STARD9: variants seen among roughly 807,000 people sequenced by gnomAD.
STARD9 encodes StAR related lipid transfer domain containing 9.
In STARD9, 346 loss-of-function variants were observed where a neutral mutation model predicts 399.8. That is an observed-to-expected ratio of 0.87 (90% CI 0.79 to 0.95). The LOEUF (loss-of-function observed/expected upper bound fraction) is 0.95, where lower values mean the gene tolerates loss of function less well. Ranked by LOEUF, STARD9 falls within the 40% of genes least tolerant of loss-of-function variation. STARD9 has a pLI of 0.00. For missense variants in STARD9, 5,832 were observed against 5,667.5 expected, an observed-to-expected ratio of 1.03 and a Z score of -0.93; for synonymous variants, 2,203 against 2,143.5, an observed-to-expected ratio of 1.03 and a Z score of -0.77.
At chr15:42,683,288 GA>G (rs2060474934) in intron 22 of STARD9, among the ~76,000 whole-genome samples, 1 of 152,110 alleles carries the variant, frequency 6.6e-6, no homozygotes, top group South Asian at 2.1e-4. Flanking sequence ...ACTTTATTAT[GA>G]AAAAATTTTA....
At chr15:42,581,653 GCCTCGCCAGCAGC>G (rs951520826) in intron 1 of STARD9, among the ~76,000 whole-genome samples, 25 of 143,766 alleles carry the variant, frequency 1.7e-4, no homozygotes, top group African/African-American at 5.6e-4. Context: ...CGATCCTCGG[GCCTCGCCAGCAGC>G]CTCAGCAGCA....
chr15:42,617,751 ATTTTG>A (rs2058999332), intron 3 of STARD9, among the ~76,000 whole-genome samples: 1 of 150,902 alleles, frequency 6.6e-6, no homozygotes. Flanking sequence ...TTAAATTTTT[ATTTTG>A]TTCTTTTCTT....
In STARD9 at chr15:42,718,752, G is replaced by T. The variant is rs767082679; in HGVS notation, c.13843G>T (p.Gly4615Cys). The stretch of plus-strand genomic sequence containing the variant: ...GACTCCCATTTCCCTCTGTCCCCAG[G>T]GTCACCTGTCTGTCATGGCAGCCCA... ...FCCVCVEAKE[G>C]HLSVMAAQSV... The change falls in exon 32 of 33, where the codon GGT (glycine) becomes TGT (cysteine). Residue 4615 changes from glycine (G) to cysteine (C), a missense_variant and splice_region_variant. Gly to Cys is a radical substitution (Grantham distance 159). Transcript: ENST00000290607. The T allele has an allele frequency of 2.0e-6, 3 of 1,537,174 alleles. No individual in the cohort carries two copies. In the South Asian group the frequency reaches 3.6e-5, roughly 18 times the overall value.
At chr15:42,617,488 G>A (rs778236163) in intron 3 of STARD9, among the ~76,000 whole-genome samples, 10 of 151,806 alleles carry the variant, frequency 6.6e-5, no homozygotes, top group Non-Finnish European at 1.5e-4. Flanking sequence ...TCAGTCTCCC[G>A]AGTAGCTGGG....
Position 42,694,189 on chromosome 15 carries a change from A to G in STARD9, c.12611A>G (p.Gln4204Arg), listed in dbSNP as rs899045128. 3 of 1,535,776 alleles carry G rather than the reference A, an allele frequency of 2.0e-6. No individual in the cohort carries two copies. The highest frequency in any genetic ancestry group is 1.7e-6 in the Non-Finnish European group (2 of 1,146,296). ...CAGATCCCCCTGCAAGTTGGGGCCC[A>G]GAACCTCTCACTCAGCGTGGAACTC... ...REQIPLQVGA[Q>R]NLSLSVELTE... is the part of the protein sequence containing the mutation. The change falls in exon 23 of 33, where the codon CAG becomes CGG. Residue 4204 changes from glutamine (Q) to arginine (R), a missense_variant. This residue lies in a region of STARD9 where 5,828 missense variants were observed against 5,651.1 expected (regional missense o/e 1.03). Transcript: ENST00000290607.
Position 42,691,257 on chromosome 15 carries a change from G to T in STARD9, c.9679G>T (p.Ala3227Ser), listed in dbSNP as rs559711083. ...DQASGGGEGF[A>S]QGVNPLPDED... ...GGCTTCAGGTGGTGGAGAAGGCTTC[G>T]CCCAGGGTGTGAATCCCCTTCCTGA... The change falls in exon 23 of 33, where the codon GCC (alanine) becomes TCC (serine). Residue 3227 changes from alanine (A) to serine (S), a missense_variant. Physicochemically the swap from Ala to Ser is moderately conservative, Grantham distance 99. Around this residue, in one of 2 missense-constraint regions of STARD9, gnomAD observed 5,828 missense variants for 5,651.1 expected, o/e 1.03. Coordinates refer to ENST00000290607, the MANE Select transcript of STARD9 (RefSeq NM_020759.3). The T allele has an allele frequency of 2.1e-5, 33 of 1,537,190 alleles. No individual in the cohort carries two copies. The East Asian group carries it at 6.6e-4, about 31-fold the overall frequency.
In STARD9 at chr15:42,692,546, C is replaced by T; in HGVS notation, c.10968C>T (p.Ile3656=). ...GSRRHWSSTD[I]SFAQPEASAV... ...GGCGCCACTGGAGCAGCACTGACAT[C>T]TCCTTTGCTCAGCCTGAAGCCAGTG... The change falls in exon 23 of 33, where the codon ATC becomes ATT. Residue 3656 remains isoleucine, a synonymous_variant. Coordinates refer to ENST00000290607, the MANE Select transcript of STARD9 (RefSeq NM_020759.3). 6.5e-7 allele frequency: 1 copy of T among 1,537,154 alleles called. No homozygotes were observed. Among genetic ancestry groups the T allele is most frequent in the Middle Eastern group, 1.7e-4 (1 of 5,990 alleles).
intron 7 of STARD9, among the ~76,000 whole-genome samples, chr15:42,643,476 G>A (rs750361625): frequency 2.0e-5 from 3 of 151,584 alleles, no homozygotes; most frequent in Admixed American, 6.6e-5. Context: ...GATTACAGGC[G>A]TGAGCCACTG....
chr15:42,587,521 G>A (rs1000931889), intron 3 of STARD9, among the ~76,000 whole-genome samples: 5 of 152,196 alleles, frequency 3.3e-5, no homozygotes, highest in East Asian at 3.8e-4. Context: ...TACGAGGACA[G>A]GGGCAGGTCT....
At chr15:42,630,084 A>G (rs1451287104) in intron 3 of STARD9, 1 of 148,402 alleles carries the variant, frequency 6.7e-6, no homozygotes, top group African/African-American at 2.5e-5. Flanking sequence ...GCTTACCGCA[A>G]CCTCCATCTT....
At position 42,652,604 on chromosome 15, in the gene STARD9, C is replaced by G; in HGVS notation, c.702+12C>G. Reference sequence around the variant, plus strand: ...TCCACTACACGCAGGTTGGTAACTCCTTATGTTTGGTGAGATTTCTTCCTC... The same window carrying G: ...TCCACTACACGCAGGTTGGTAACTCGTTATGTTTGGTGAGATTTCTTCCTC... On this transcript the variant is annotated intron_variant, in intron 9 of 32. Coordinates refer to ENST00000290607, the MANE Select transcript of STARD9 (RefSeq NM_020759.3). 1 of 1,535,976 alleles carries G rather than the reference C, an allele frequency of 6.5e-7. No homozygotes were observed. Among genetic ancestry groups the G allele is most frequent in the Non-Finnish European group, 8.7e-7 (1 of 1,145,612 alleles).
chr15:42,665,759 T>C, intron 14 of STARD9, 27 bp from the exon 15 acceptor site: 1 of 1,535,410 alleles, frequency 6.5e-7, no homozygotes, highest in Non-Finnish European at 8.7e-7. Flanking sequence ...CAGGAAAATA[T>C]CAAAGCACAT....
At chr15:42,608,472 G>T (rs779162379) in intron 3 of STARD9, among the ~76,000 whole-genome samples, 2 of 152,130 alleles carry the variant, frequency 1.3e-5, no homozygotes, top group African/African-American at 4.8e-5. Flanking sequence ...CTTACATTAA[G>T]ATTGGTCTCT....
chr15:42,583,262 T>G, intron 1 of STARD9, 84 bp from the exon 2 acceptor site: 1 of 988,138 alleles, frequency 1.0e-6, no homozygotes, highest in Non-Finnish European at 1.5e-6. Context: ...TAGGGAAATA[T>G]TTTGTCCCAC....
Position 42,684,354 on chromosome 15 carries a change from C to T in STARD9, c.2776C>T (p.Pro926Ser), listed in dbSNP as rs1449688044. ...SAPDACLTMS[P>S]NSVGIQEMEM... The stretch of plus-strand genomic sequence containing the variant: ...TCCAGACGCTTGCCTCACCATGAGT[C>T]CCAACTCTGTTGGCATCCAGGAAAT... Residue 926 changes from proline (P) to serine (S), a missense_variant, in exon 23 of 33, where the codon CCC becomes TCC. Coordinates refer to ENST00000290607, the MANE Select transcript of STARD9 (RefSeq NM_020759.3). The T allele has an allele frequency of 6.5e-6, 10 of 1,536,858 alleles. No individual in the cohort carries two copies. In the Admixed American group the frequency reaches 1.8e-4, roughly 27 times the overall value.
chr15:42,650,949 C>T lies in STARD9; in HGVS notation c.560-67C>T, dbSNP rs1484069490. The T allele has an allele frequency of 5.2e-6, 6 of 1,163,908 alleles. No homozygotes were observed. In the Middle Eastern group the frequency reaches 6.5e-4, roughly 126 times the overall value. The allele number at this position is 1,163,908 out of a possible 1,614,324, so 72.1% of individuals were successfully genotyped here. On this transcript the variant is annotated intron_variant, in intron 7 of 32. Transcript: ENST00000290607. ...ATGAAATAGGAATGATAAAGACTTA[C>T]AAGAAAAGGTTAAAGTTTACCAAAA...
chr15:42,665,713 A>G, intron 14 of STARD9, 73 bp from the exon 15 acceptor site: 1 of 1,225,570 alleles, frequency 8.2e-7, no homozygotes, highest in Non-Finnish European at 1.2e-6. Context: ...ATCCTCCTCC[A>G]CAAGTGTAAG....
intron 3 of STARD9, among the ~76,000 whole-genome samples, chr15:42,595,647 G>A (rs1246002656): frequency 6.6e-6 from 1 of 152,194 alleles, no homozygotes; most frequent in Non-Finnish European, 1.5e-5. Context: ...GGGAGCTGGG[G>A]AGTATGTGGA....
At chr15:42,596,059 G>GA (rs2058497849) in intron 3 of STARD9, among the ~76,000 whole-genome samples, 1 of 152,196 alleles carries the variant, frequency 6.6e-6, no homozygotes, top group Non-Finnish European at 1.5e-5. Context: ...ATGAACAGTG[G>GA]AAACTAGAGA....
Sources: gnomAD v4.1 joint callset for allele counts (sites outside exome capture counted in the v4.1 genomes callset) on GRCh38, gnomAD v4.1.1 for gene constraint, gnomAD v4.1.1 regional missense constraint, MANE v1.5 for transcripts, NCBI Gene and HGNC (gene_info 2026-07-23, HGNC 2026-07-21) for gene names.